SPRTN: variants seen among roughly 807,000 people sequenced by gnomAD.
SPRTN encodes the protein DNA-dependent metalloprotease SPRTN.
SPRTN carries 11 observed loss-of-function variants against 31.9 expected under a neutral mutation model. The observed-to-expected ratio is 0.34, with a 90% CI of 0.22 to 0.57. SPRTN has a LOEUF of 0.57. Among genes scored for constraint, SPRTN ranks in the 20% least tolerant of loss-of-function variants. The probability of loss-of-function intolerance (pLI) is 0.86; values close to 1 mark genes in which losing one functional copy is unlikely to be tolerated. For missense variants in SPRTN, 482 were observed against 590.1 expected (o/e 0.82, Z 1.90); for synonymous variants, 185 against 212.1 (o/e 0.87, Z 1.11).
intron 4 of SPRTN, chr1:231,351,902 CTGAGT>C (rs1241181253): frequency 9.8e-6 from 10 of 1,023,330 alleles, no homozygotes; most frequent in Middle Eastern, 4.8e-4. Flanking sequence ...TCTTGACTCA[CTGAGT>C]TATTAGGAAA....
At chr1:231,352,455 T>C in intron 4 of SPRTN, 155 bp from the exon 5 acceptor site, 1 of 1,331,890 alleles carries the variant, frequency 7.5e-7, no homozygotes, top group Non-Finnish European at 9.6e-7. Context: ...ATTCTGAAGA[T>C]TGCCCTCCTC....
intron 3 of SPRTN, among the ~76,000 whole-genome samples, chr1:231,350,090 G>T (rs1019505858): frequency 3.9e-5 from 6 of 152,162 alleles, no homozygotes; most frequent in African/African-American, 1.4e-4. Flanking sequence ...AATAGAGTGC[G>T]TGGTTTCCCG....
At chr1:231,348,789 A>G (rs916434457) in intron 3 of SPRTN, among the ~76,000 whole-genome samples, 4 of 152,164 alleles carry the variant, frequency 2.6e-5, no homozygotes, top group Admixed American at 2.6e-4. Context: ...TGCTACTTTC[A>G]TACTTTTGAA....
chr1:231,347,350 T>A (rs888191305), intron 2 of SPRTN, among the ~76,000 whole-genome samples: 1 of 151,932 alleles, frequency 6.6e-6, no homozygotes, highest in Non-Finnish European at 1.5e-5. Context: ...ATGAGGTGGG[T>A]TTTTTGTTGT....
intron 2 of SPRTN, among the ~76,000 whole-genome samples, chr1:231,342,028 T>A (rs1034946156): frequency 6.6e-6 from 1 of 152,166 alleles, no homozygotes; most frequent in African/African-American, 2.4e-5. Flanking sequence ...TCCTCCCGCC[T>A]CAGCCTCCCA....
At position 231,338,355 on chromosome 1, in the gene SPRTN, G is replaced by T; in HGVS notation, c.-29G>T. On this transcript the variant is annotated 5_prime_UTR_variant, in exon 1 of 5. Coordinates refer to ENST00000295050, the MANE Select transcript of SPRTN (RefSeq NM_032018.7). The stretch of plus-strand genomic sequence containing the variant: ...GTAACTGGGGAGCCAGCCTGACGCC[G>T]GCGGACCCCGCCTGTGATCCTGGCA... The T allele has an allele frequency of 6.2e-7, 1 of 1,609,800 alleles. No homozygotes were observed.
chr1:231,347,998 T>C, intron 3 of SPRTN, 73 bp downstream of exon 3: 1 of 1,548,130 alleles, frequency 6.5e-7, no homozygotes, highest in Non-Finnish European at 8.7e-7. Flanking sequence ...TAATTAAAAG[T>C]AGAGAACTAG....
chr1:231,340,729 C>T (rs570066902), intron 2 of SPRTN, among the ~76,000 whole-genome samples: 10 of 151,604 alleles, frequency 6.6e-5, no homozygotes, highest in African/African-American at 2.2e-4. Flanking sequence ...ACCCGGGAGG[C>T]GGAGGTTGCA....
In SPRTN at chr1:231,353,597, T is replaced by C. The variant is rs941403896; in HGVS notation, c.*236T>C. 12 of 1,185,346 alleles carry C rather than the reference T, an allele frequency of 1.0e-5. No individual in the cohort carries two copies. Among genetic ancestry groups the C allele is most frequent in the Middle Eastern group, 3.4e-4 (1 of 2,954 alleles). The allele number at this position is 1,185,346 out of a possible 1,614,324, so 73.4% of individuals were successfully genotyped here. A position where few individuals can be genotyped will look rare whatever the true frequency, so the allele number is the denominator to read the frequency against. On this transcript the variant is annotated 3_prime_UTR_variant, in exon 5 of 5. Coordinates refer to ENST00000295050, the MANE Select transcript of SPRTN (RefSeq NM_032018.7). ...TATACTGTAACCCAGGTTCTGCCTG[T>C]CGTGTATAAGTTTTAGATACTTTTG... is the stretch of plus-strand genomic sequence containing the variant.
At chr1:231,348,229 T>C (rs1687120785) in intron 3 of SPRTN, among the ~76,000 whole-genome samples, 1 of 152,230 alleles carries the variant, frequency 6.6e-6, no homozygotes, top group Non-Finnish European at 1.5e-5. Context: ...CTTATTATTG[T>C]CTTTTTTAGT....
intron 1 of SPRTN, 103 bp downstream of exon 1, chr1:231,338,707 G>C: frequency 1.4e-6 from 2 of 1,384,660 alleles, no homozygotes; most frequent in Admixed American, 2.0e-5. Context: ...GTCCCAGGGG[G>C]CGTTAAATGA....
chr1:231,341,829 A>G (rs1686900850), intron 2 of SPRTN, among the ~76,000 whole-genome samples: 4 of 152,230 alleles, frequency 2.6e-5, no homozygotes, highest in South Asian at 4.1e-4. Flanking sequence ...TCTACTAAAA[A>G]TACAAAAATT....
chr1:231,340,256 A>G (rs1253652667), intron 2 of SPRTN, among the ~76,000 whole-genome samples: 1 of 151,674 alleles, frequency 6.6e-6, no homozygotes, highest in Admixed American at 6.6e-5. Context: ...AGTCCCAGCT[A>G]CTCGGGAGGC....
At chr1:231,351,275 T>C (rs1687222614) in intron 3 of SPRTN, 29 bp from the exon 4 acceptor site, 1 of 1,492,142 alleles carries the variant, frequency 6.7e-7, no homozygotes. Flanking sequence ...ACTTGCTTAT[T>C]GAATACTAAA....
In SPRTN at chr1:231,353,410, C is replaced by G. The variant is rs985872267; in HGVS notation, c.*49C>G. ...CCACCTGTATTATCTCACTAATGTG[C>G]TATGTCAGCCAGTCAGGAAGTTCTG... On this transcript the variant is annotated 3_prime_UTR_variant, in exon 5 of 5. Coordinates refer to ENST00000295050, the MANE Select transcript of SPRTN (RefSeq NM_032018.7). 2 of 1,511,658 alleles carry G rather than the reference C, an allele frequency of 1.3e-6. No individual in the cohort carries two copies. The highest frequency in any genetic ancestry group is 1.8e-6 in the Non-Finnish European group (2 of 1,139,656). The allele number at this position is 1,511,658 out of a possible 1,614,324, so 93.6% of individuals were successfully genotyped here. A position where few individuals can be genotyped will look rare whatever the true frequency, so the allele number is the denominator to read the frequency against.
In SPRTN at chr1:231,354,395, A is replaced by C. The variant is rs942384765; in HGVS notation, c.*1034A>C. The C allele has an allele frequency of 4.1e-6, 4 of 984,816 alleles. No individual in the cohort carries two copies. The Admixed American group carries it at 2.5e-4, about 61-fold the overall frequency. 61.0% of individuals were successfully genotyped at this position (984,816 alleles called of 1,614,324 possible). On this transcript the variant is annotated 3_prime_UTR_variant, in exon 5 of 5. Transcript: ENST00000295050. ...ACAAGTTTTCTTTTTTCTTGTTGCA[A>C]TTTTCCTTCACTTTGTTGTAATACA...
At chr1:231,348,026 T>C (rs1571997605) in intron 3 of SPRTN, 101 bp downstream of exon 3, 2 of 1,494,364 alleles carry the variant, frequency 1.3e-6, no homozygotes. Flanking sequence ...CAAGTATCTT[T>C]GAGGATTTTC....
Position 231,338,466 on chromosome 1 carries a change from C to T in SPRTN, c.83C>T (p.Ser28Phe), listed in dbSNP as rs762915225. The change falls in exon 1 of 5, where the codon TCC becomes TTC. Residue 28 changes from serine (S) to phenylalanine (F), a missense_variant. Physicochemically the swap from Ser to Phe is radical, Grantham distance 155 (BLOSUM62 -2). Transcript: ENST00000295050. The stretch of plus-strand genomic sequence containing the variant: ...GCGGAGCGCGATCATGCCCAGGAGT[C>T]CCTGTCGCTAGTGGACGCGTCGTGG... ...QEAERDHAQESLSLVDASWEL... is the reference protein window; with the variant it reads ...QEAERDHAQEFLSLVDASWEL... 6.2e-7 allele frequency: 1 copy of T among 1,614,134 alleles called. No individual in the cohort carries two copies. The highest frequency in any genetic ancestry group is 8.5e-7 in the Non-Finnish European group (1 of 1,180,054).
intron 1 of SPRTN, chr1:231,339,521 T>C: frequency 2.8e-6 from 2 of 704,524 alleles, no homozygotes; most frequent in African/African-American, 3.5e-5. Context: ...GCCTTCCACC[T>C]TCTCAAGCAG....
Sources: allele counts gnomAD v4.1 joint callset (sites outside exome capture counted in the v4.1 genomes callset), GRCh38; gene constraint gnomAD v4.1.1; transcripts MANE v1.5; gene names NCBI Gene and HGNC (gene_info 2026-07-23, HGNC 2026-07-21).